CAMKMT: variants seen among roughly 807,000 people sequenced by gnomAD.
CAMKMT encodes the protein CaM KMT.
In CAMKMT, 53 loss-of-function variants were observed where a neutral mutation model predicts 48.0. The ratio of observed to expected loss-of-function variants is 1.10; its 90% CI spans 0.89 to 1.39. CAMKMT has a LOEUF of 1.39. Among genes scored for constraint, CAMKMT ranks in the 40% most tolerant of loss-of-function variants. The pLI, the probability that CAMKMT is intolerant of heterozygous loss-of-function variation, is 0.00. For missense variants in CAMKMT, 428 were observed against 402.7 expected, an observed-to-expected ratio of 1.06 and a Z score of -0.54; for synonymous variants, 165 against 152.3, an observed-to-expected ratio of 1.08 and a Z score of -0.61.
chr2:44,405,192 C>T (rs375033503), intron 3 of CAMKMT, among the ~76,000 whole-genome samples: 4 of 152,016 alleles, frequency 2.6e-5, no homozygotes, highest in African/African-American at 9.7e-5. Context: ...AATAATCCCA[C>T]TTTTGGGTGT....
rs1678573321 is a variant in CAMKMT, at chr2:44,723,276, A to G, written c.623+7923A>G. 3.9e-5 allele frequency among the ~76,000 whole-genome samples: 6 copies of G among 152,176 alleles called. No homozygotes were observed. The South Asian group carries it at 1.2e-3, about 31-fold the overall frequency. On this transcript the variant is annotated intron_variant, in intron 7 of 10. Transcript: ENST00000378494. ...CTGAGAGCTTCTCATTCAATTCTGC[A>G]GTGTTCCATTGCTTTAAAATTGTTC... is the stretch of plus-strand genomic sequence containing the variant.
chr2:44,423,012 T>C (rs749388365), intron 3 of CAMKMT, among the ~76,000 whole-genome samples: 1 of 152,202 alleles, frequency 6.6e-6, no homozygotes, highest in Non-Finnish European at 1.5e-5. Flanking sequence ...CTTCACTCTG[T>C]ATCTTCCACC....
chr2:44,499,291 T>A (rs1012899278), intron 3 of CAMKMT, among the ~76,000 whole-genome samples: 1 of 152,230 alleles, frequency 6.6e-6, no homozygotes, highest in East Asian at 1.9e-4. Context: ...GCACTGCATA[T>A]GCTGACCTTG....
intron 3 of CAMKMT, among the ~76,000 whole-genome samples, chr2:44,425,279 A>G (rs928767967): frequency 5.9e-5 from 9 of 152,216 alleles, no homozygotes; most frequent in African/African-American, 2.2e-4. Context: ...AATATTTCAA[A>G]TCTACTTATG....
intron 3 of CAMKMT, among the ~76,000 whole-genome samples, chr2:44,394,693 G>A (rs1452617253): frequency 1.3e-5 from 2 of 152,194 alleles, no homozygotes; most frequent in Non-Finnish European, 2.9e-5. Flanking sequence ...CTCCCAAAGT[G>A]CTGGGATTAT....
chr2:44,582,603 C>G (rs957324195), intron 3 of CAMKMT, among the ~76,000 whole-genome samples: 5 of 152,170 alleles, frequency 3.3e-5, no homozygotes, highest in African/African-American at 1.2e-4. Context: ...TTAAATTCTG[C>G]AGCTGTTGAA....
intron 3 of CAMKMT, among the ~76,000 whole-genome samples, chr2:44,521,016 C>T (rs1671079224): frequency 2.0e-5 from 3 of 152,192 alleles, no homozygotes; most frequent in Admixed American, 1.3e-4. Flanking sequence ...GTGGGCATTT[C>T]TTCATAGCAG....
intron 3 of CAMKMT, among the ~76,000 whole-genome samples, chr2:44,516,506 C>A (rs991234070): frequency 2.1e-4 from 32 of 151,958 alleles, no homozygotes; most frequent in Admixed American, 2.1e-3. Flanking sequence ...TTGTCCCTCT[C>A]TAAATATATT....
chr2:44,366,790 C>G (rs786618), intron 1 of CAMKMT, among the ~76,000 whole-genome samples: 1 of 151,632 alleles, frequency 6.6e-6, no homozygotes, highest in South Asian at 2.1e-4. Flanking sequence ...AGTGTGATCT[C>G]GGCTCACTGC....
At chr2:44,453,697 A>G (rs1667414400) in intron 3 of CAMKMT, among the ~76,000 whole-genome samples, 2 of 152,046 alleles carry the variant, frequency 1.3e-5, no homozygotes, top group South Asian at 4.1e-4. Context: ...CATTTTGTGG[A>G]GAGGGGCAGA....
chr2:44,378,306 T>C (rs1275456156), intron 2 of CAMKMT, among the ~76,000 whole-genome samples: 1 of 152,204 alleles, frequency 6.6e-6, no homozygotes, highest in Admixed American at 6.5e-5. Flanking sequence ...TTCAGTAAAT[T>C]GAAATGTTCC....
Position 44,486,155 on chromosome 2 carries a change from C to T in CAMKMT, c.376+95850C>T, listed in dbSNP as rs187785034. On this transcript the variant is annotated intron_variant, in intron 3 of 10. Coordinates refer to ENST00000378494, the MANE Select transcript of CAMKMT (RefSeq NM_024766.5). ...AATCTTTGTATTTTTTTAGTAGAGA[C>T]GGAGTTTCACCATGTTGGCCAGGCT... is the stretch of plus-strand genomic sequence containing the variant. Among the ~76,000 whole-genome samples, 22 of 152,080 alleles carry T rather than the reference C, an allele frequency of 1.4e-4. 1 individual carries two copies. The South Asian group carries it at 1.9e-3, about 13-fold the overall frequency.
Position 44,655,545 on chromosome 2 carries a change from C to G in CAMKMT, c.377-48738C>G, listed in dbSNP as rs561883415. Among the ~76,000 whole-genome samples, 11 of 152,290 alleles carry G rather than the reference C, an allele frequency of 7.2e-5. No homozygotes were observed. The East Asian group carries it at 1.7e-3, about 24-fold the overall frequency. ...TGTCTTTTTAATTAAGTGAAAGTGA[C>G]TCATTACAGGTGCTTTTCAACCATC... On this transcript the variant is annotated intron_variant, in intron 3 of 10. Coordinates refer to ENST00000378494, the MANE Select transcript of CAMKMT (RefSeq NM_024766.5).
chr2:44,628,117 T>C (rs1005073641), intron 3 of CAMKMT, among the ~76,000 whole-genome samples: 2 of 152,152 alleles, frequency 1.3e-5, no homozygotes, highest in African/African-American at 4.8e-5. Context: ...TGGCTAATTT[T>C]TAAATTTTTT....
chr2:44,476,032 T>C (rs698810), intron 3 of CAMKMT, among the ~76,000 whole-genome samples: 123,496 of 152,174 alleles, frequency 0.81, 50,439 homozygotes, highest in African/African-American at 0.9. Flanking sequence ...TAAATCACTA[T>C]TAAAAAGGAA....
chr2:44,396,710 A>T (rs1407236638), intron 3 of CAMKMT, among the ~76,000 whole-genome samples: 1 of 151,604 alleles, frequency 6.6e-6, no homozygotes, highest in Non-Finnish European at 1.5e-5. Context: ...AATTTTAAAT[A>T]TCCATATCTT....
intron 3 of CAMKMT, among the ~76,000 whole-genome samples, chr2:44,607,095 C>T (rs1377966048): frequency 6.6e-6 from 1 of 152,210 alleles, no homozygotes; most frequent in African/African-American, 2.4e-5. Flanking sequence ...TCAGAAGGAA[C>T]ATTTTGCTAC....
chr2:44,596,480 A>G (rs1372386068), intron 3 of CAMKMT, among the ~76,000 whole-genome samples: 1 of 152,114 alleles, frequency 6.6e-6, no homozygotes. Context: ...AAGAAAAGAA[A>G]GAAAAAGACA....
chr2:44,526,156 C>G (rs1412077879), intron 3 of CAMKMT, among the ~76,000 whole-genome samples: 1 of 149,320 alleles, frequency 6.7e-6, no homozygotes, highest in African/African-American at 2.5e-5. Flanking sequence ...ACCTCTTTCC[C>G]AAGATTTCTT....
Sources: gnomAD v4.1 joint callset for allele counts (sites outside exome capture counted in the v4.1 genomes callset) on GRCh38, gnomAD v4.1.1 for gene constraint, MANE v1.5 for transcripts, NCBI Gene and HGNC (gene_info 2026-07-23, HGNC 2026-07-21) for gene names.